DERPC: variants seen among roughly 807,000 people sequenced by gnomAD.
DERPC encodes the protein decreased expression in renal and prostate cancer protein.
In DERPC, 1 loss-of-function variant was observed where a neutral mutation model predicts 7.2. That is an observed-to-expected ratio of 0.14 (90% CI 0.05 to 0.66). The LOEUF (loss-of-function observed/expected upper bound fraction) is 0.66. Among genes scored for constraint, DERPC ranks in the 30% least tolerant of loss-of-function variants. DERPC has a pLI of 0.84. For synonymous variants in DERPC, 185 were observed against 117.6 expected, an observed-to-expected ratio of 1.57 and a Z score of -3.71; for missense variants, 502 against 299.4, an observed-to-expected ratio of 1.68 and a Z score of -4.99.
intron 1 of DERPC, among the ~76,000 whole-genome samples, chr16:69,126,034 C>T (rs560391458): frequency 9.9e-5 from 15 of 152,006 alleles, no homozygotes; most frequent in Admixed American, 7.2e-4. Context: ...ATTTTAGCCA[C>T]GAATCAAAAA....
rs1199176109 is a variant in DERPC at position 69,121,466 on chromosome 16, C to T, written c.-252G>A. ...AATAACAATTTGCACCATGAGCTTTCTGTCTTTAAAAAGCAAGTGAAAACA... is the reference window on the plus strand; with the variant it reads ...AATAACAATTTGCACCATGAGCTTTTTGTCTTTAAAAAGCAAGTGAAAACA... On this transcript the variant is annotated 5_prime_UTR_variant, in exon 2 of 3. Coordinates refer to ENST00000519520, the MANE Select transcript of DERPC (RefSeq NM_001002847.4). 27 of 1,598,912 alleles carry T rather than the reference C, an allele frequency of 1.7e-5. No individual in the cohort carries two copies. Among genetic ancestry groups the T allele is most frequent in the Non-Finnish European group, 2.3e-5 (27 of 1,175,970 alleles).
At chr16:69,121,067 G>T in intron 2 of DERPC, 1 of 1,613,888 alleles carries the variant, frequency 6.2e-7, no homozygotes, top group Non-Finnish European at 8.5e-7. Context: ...GTGGTGTAAT[G>T]TAGGTCTCCC....
chr16:69,124,447 G>C (rs1447494205), intron 1 of DERPC, among the ~76,000 whole-genome samples: 1 of 151,728 alleles, frequency 6.6e-6, no homozygotes, highest in East Asian at 1.9e-4. Context: ...TTTTTGAGAT[G>C]GACTCTCACT....
chr16:69,130,252 G>A (rs1479891518), intron 1 of DERPC, among the ~76,000 whole-genome samples: 2 of 152,036 alleles, frequency 1.3e-5, no homozygotes, highest in African/African-American at 4.8e-5. Flanking sequence ...TTGACTCAAC[G>A]GTTTAACCTC....
chr16:69,121,332 T>A (rs1344967232), intron 2 of DERPC, 104 bp downstream of exon 2: 2 of 1,240,636 alleles, frequency 1.6e-6, no homozygotes, highest in Non-Finnish European at 1.1e-6. Flanking sequence ...ATGCAAGGAT[T>A]TGTACAAGAT....
At chr16:69,130,201 C>A (rs1223342466) in intron 1 of DERPC, among the ~76,000 whole-genome samples, 1 of 152,148 alleles carries the variant, frequency 6.6e-6, no homozygotes, top group Non-Finnish European at 1.5e-5. Flanking sequence ...TGATATGTAT[C>A]CAATTAAACC....
chr16:69,123,742 CA>C (rs1961851392), intron 1 of DERPC, among the ~76,000 whole-genome samples: 1 of 152,062 alleles, frequency 6.6e-6, no homozygotes, highest in Non-Finnish European at 1.5e-5. Context: ...TGATTCTTAT[CA>C]AAAGCTTTCA....
rs368962238 is a variant in DERPC at position 69,121,111 on chromosome 16, G to A, written c.-222+325C>T. 1.7e-5 allele frequency: 28 copies of A among 1,613,762 alleles called. No homozygotes were observed. Among genetic ancestry groups the A allele is most frequent in the South Asian group, 7.7e-5 (7 of 91,074 alleles). On this transcript the variant is annotated intron_variant, in intron 2 of 2. Transcript: ENST00000519520. ...TCCAGCTAATCCAGTGCTGTAGCGA[G>A]CCTCGATCTCCCCCTGTAGCTCCAT...
intron 1 of DERPC, among the ~76,000 whole-genome samples, chr16:69,128,596 G>A (rs1408200098): frequency 6.6e-6 from 1 of 152,028 alleles, no homozygotes; most frequent in African/African-American, 2.4e-5. Context: ...CTTTATCTCA[G>A]TAAAGGAAAC....
Position 69,119,541 on chromosome 16 carries a change from A to C in DERPC, c.888T>G (p.Ser296=), listed in dbSNP as rs1961456988. The C allele has an allele frequency of 1.4e-6, 1 of 702,768 alleles. No homozygotes were observed. Among genetic ancestry groups the C allele is most frequent in the African/African-American group, 1.7e-5 (1 of 57,246 alleles). The allele number at this position is 702,768 out of a possible 1,614,324, so 43.5% of individuals were successfully genotyped here. ...AGGATGGGCTTGTGCCCATGTTTCC[A>C]GAAGCCTGTGAGAAAGAAGCTGAAT... is the stretch of plus-strand genomic sequence containing the variant. The part of the protein sequence containing the change: ...GANSASFSQA[S]GNMGTSPSSM... The change falls in exon 3 of 3, where the codon TCT becomes TCG. Residue 296 remains serine (S), a synonymous_variant. Coordinates refer to ENST00000519520, the MANE Select transcript of DERPC (RefSeq NM_001002847.4).
rs749131245 is a variant in DERPC at position 69,119,979 on chromosome 16, G to A, written c.450C>T (p.Leu150=). ...GPLSNPRLGG[L]PGPGPMSNPR... ...GGTTGGACATAGGACCTGGTCCTGG[G>A]AGACCCCCTAACCTGGGGTTAGACA... The change falls in exon 3 of 3, where the codon CTC becomes CTT. Residue 150 remains leucine, a synonymous_variant. Transcript: ENST00000519520. 8 of 698,034 alleles carry A rather than the reference G, an allele frequency of 1.1e-5. No homozygotes were observed. Among genetic ancestry groups the A allele is most frequent in the South Asian group, 8.9e-5 (6 of 67,516 alleles). The allele number at this position is 698,034 out of a possible 1,614,324, so 43.2% of individuals were successfully genotyped here.
rs1961596186 is a variant in DERPC, at chr16:69,120,803, A to G, written c.-221-154T>C. ...AGCAGCCACACTGGACCACCCACCC[A>G]TGTGCCCTTTTTACTTTCTAGCCCC... is the stretch of plus-strand genomic sequence containing the variant. On this transcript the variant is annotated intron_variant, in intron 2 of 2. Coordinates refer to ENST00000519520, the MANE Select transcript of DERPC (RefSeq NM_001002847.4). The surrounding 1 kb of genome is among the most constrained non-coding windows in gnomAD (Gnocchi z 4.0). The G allele has an allele frequency of 2.7e-6, 2 of 736,484 alleles. No individual in the cohort carries two copies. Among genetic ancestry groups the G allele is most frequent in the Non-Finnish European group, 4.7e-6 (2 of 426,716 alleles). The allele number at this position is 736,484 out of a possible 1,614,324, so 45.6% of individuals were successfully genotyped here.
At position 69,119,019 on chromosome 16, in the gene DERPC, G is replaced by T; in HGVS notation, c.1410C>A (p.Thr470=). The T allele has an allele frequency of 1.4e-6, 1 of 703,056 alleles. No individual in the cohort carries two copies. Among genetic ancestry groups the T allele is most frequent in the Non-Finnish European group, 2.6e-6 (1 of 385,022 alleles). 43.6% of individuals were successfully genotyped at this position (703,056 alleles called of 1,614,324 possible). Residue 470 remains threonine, a synonymous_variant, in exon 3 of 3, where the codon ACC becomes ACA. Transcript: ENST00000519520. ...NPAPFTRPTG[T]LGLNPASFPR... ...GAAAGGAAGCTGGGTTGAGACCCAG[G>T]GTCCCAGTTGGCCTTGTGAAAGGAG... is the stretch of plus-strand genomic sequence containing the variant.
intron 1 of DERPC, among the ~76,000 whole-genome samples, chr16:69,122,955 AG>A (rs1260073353): frequency 6.6e-6 from 1 of 152,154 alleles, no homozygotes; most frequent in African/African-American, 2.4e-5. Flanking sequence ...CTGGGATTAC[AG>A]GCATTAGCCA....
rs375441522 is a variant in DERPC, at chr16:69,118,421, G to C, written c.*433C>G. On this transcript the variant is annotated 3_prime_UTR_variant, in exon 3 of 3. Coordinates refer to ENST00000519520, the MANE Select transcript of DERPC (RefSeq NM_001002847.4). ...AGCTGCCCAGGTCAGAGCTACGGAA[G>C]CATGGTCCGTTCACCAACGCCACGT... 6.2e-7 allele frequency: 1 copy of C among 1,613,210 alleles called. No homozygotes were observed. Among genetic ancestry groups the C allele is most frequent in the Non-Finnish European group, 8.5e-7 (1 of 1,179,144 alleles).
intron 1 of DERPC, among the ~76,000 whole-genome samples, chr16:69,128,767 T>C (rs1348127427): frequency 6.6e-6 from 1 of 152,008 alleles, no homozygotes; most frequent in Non-Finnish European, 1.5e-5. Flanking sequence ...AATTAGTAAC[T>C]ATTATTATAA....
At chr16:69,132,318 T>C (rs944510323) in intron 1 of DERPC, among the ~76,000 whole-genome samples, 166 bp downstream of exon 1, 7 of 46,008 alleles carry the variant, frequency 1.5e-4, no homozygotes, top group Non-Finnish European at 1.7e-4. Flanking sequence ...CGGCCACCCC[T>C]CCCCCGCCCG....
At chr16:69,126,629 G>A (rs549559309) in intron 1 of DERPC, among the ~76,000 whole-genome samples, 14 of 152,308 alleles carry the variant, frequency 9.2e-5, no homozygotes, top group Non-Finnish European at 1.3e-4. Context: ...AATGAAGTTC[G>A]AGCCCAGCTT....
At chr16:69,121,793 G>A (rs942165757) in intron 1 of DERPC, among the ~76,000 whole-genome samples, 4 of 151,498 alleles carry the variant, frequency 2.6e-5, no homozygotes, top group South Asian at 4.2e-4. Flanking sequence ...TCAGCCTCCC[G>A]AGTAGCTGGG....
Sources: gnomAD v4.1 joint callset for allele counts (sites outside exome capture counted in the v4.1 genomes callset) on GRCh38, gnomAD v4.1.1 for gene constraint, Gnocchi (gnomAD v3.1) non-coding constraint, MANE v1.5 for transcripts, NCBI Gene and HGNC (gene_info 2026-07-23, HGNC 2026-07-21) for gene names.